RABGAP1L: variants seen among roughly 807,000 people sequenced by gnomAD.
RABGAP1L encodes the protein RAB GTPase activating protein 1 like, also known as rab GTPase-activating protein 1-like.
Under a neutral mutation model 137.7 loss-of-function variants are expected in RABGAP1L, and 63 were observed. The ratio of observed to expected loss-of-function variants is 0.46; its 90% CI spans 0.37 to 0.56. The LOEUF is 0.56. RABGAP1L is among the 20% of genes least tolerant of loss of function. The probability of loss-of-function intolerance (pLI) is 0.00; values close to 1 mark genes in which losing one functional copy is unlikely to be tolerated. For missense variants in RABGAP1L, 1,095 were observed against 1,244.0 expected, an observed-to-expected ratio of 0.88 and a Z score of 1.80; for synonymous variants, 431 against 433.7, an observed-to-expected ratio of 0.99 and a Z score of 0.08.
chr1:174,351,886 C>G (rs1021834856), intron 11 of RABGAP1L, among the ~76,000 whole-genome samples: 7 of 152,126 alleles, frequency 4.6e-5, no homozygotes, highest in African/African-American at 1.7e-4. Flanking sequence ...ACTGCAAGCT[C>G]CACCTCCCGG....
At chr1:174,727,800 AATT>A (rs1281889331) in intron 17 of RABGAP1L, among the ~76,000 whole-genome samples, 8 of 152,240 alleles carry the variant, frequency 5.3e-5, no homozygotes, top group African/African-American at 9.6e-5. Context: ...TAATATGCAC[AATT>A]ATTATGTGTT....
At chr1:174,284,311 T>G (rs74477645) in intron 10 of RABGAP1L, among the ~76,000 whole-genome samples, 9,242 of 152,270 alleles carry the variant, frequency 0.061, 980 homozygotes, top group African/African-American at 0.21. Context: ...GTTTAACTTT[T>G]TTAGACTAGT....
intron 19 of RABGAP1L, among the ~76,000 whole-genome samples, chr1:174,833,903 G>A (rs910575132): frequency 6.6e-6 from 1 of 152,124 alleles, no homozygotes; most frequent in Non-Finnish European, 1.5e-5. Context: ...CTTTTCTGAG[G>A]AAGTGACATT....
At chr1:174,337,032 G>A (rs751668825) in intron 11 of RABGAP1L, among the ~76,000 whole-genome samples, 2 of 152,036 alleles carry the variant, frequency 1.3e-5, no homozygotes, top group Non-Finnish European at 2.9e-5. Context: ...AAAAAGTGGA[G>A]GGAGAGAGTG....
chr1:174,340,701 T>C (rs975308975), intron 11 of RABGAP1L, among the ~76,000 whole-genome samples: 1 of 152,234 alleles, frequency 6.6e-6, no homozygotes, highest in African/African-American at 2.4e-5. Flanking sequence ...ATTCCATGTC[T>C]TTGCTAATTG....
At chr1:174,176,827 C>T (rs1482730625) in intron 1 of RABGAP1L, among the ~76,000 whole-genome samples, 1 of 149,528 alleles carries the variant, frequency 6.7e-6, no homozygotes, top group Admixed American at 6.7e-5. Context: ...CGTGTGTAAT[C>T]CCAGCACTTT....
At chr1:174,637,102 A>G (rs189807047) in intron 13 of RABGAP1L, among the ~76,000 whole-genome samples, 2 of 152,326 alleles carry the variant, frequency 1.3e-5, no homozygotes, top group Admixed American at 1.3e-4. Context: ...ATGGAGATGT[A>G]TGTATACAAC....
chr1:174,383,212 T>C (rs959242562), intron 12 of RABGAP1L, among the ~76,000 whole-genome samples: 1 of 151,156 alleles, frequency 6.6e-6, no homozygotes, highest in African/African-American at 2.4e-5. Flanking sequence ...ACAGGGACAT[T>C]TAAGTCTGCA....
intron 13 of RABGAP1L, among the ~76,000 whole-genome samples, chr1:174,567,357 T>C (rs191364146): frequency 6.6e-6 from 1 of 152,322 alleles, no homozygotes; most frequent in African/African-American, 2.4e-5. Context: ...AAATTTAATT[T>C]CTTTTTATGA....
At chr1:174,469,857 A>G (rs1438167449) in intron 13 of RABGAP1L, among the ~76,000 whole-genome samples, 3 of 152,182 alleles carry the variant, frequency 2.0e-5, no homozygotes, top group Non-Finnish European at 4.4e-5. Flanking sequence ...GAAATGTCTC[A>G]GCTGCCTTCA....
In RABGAP1L at chr1:174,784,011, C is replaced by CTTTTTTT. The variant is rs3085670; in HGVS notation, c.2212-27800_2212-27794dup. 6.9e-4 allele frequency among the ~76,000 whole-genome samples: 36 copies of CTTTTTTT among 52,170 alleles called. 1 individual carries two copies. The highest frequency in any genetic ancestry group is 1.9e-3 in the African/African-American group (26 of 13,566). The allele number at this position is 52,170 out of a possible 152,430, so 34.2% of individuals were successfully genotyped here. A position where few individuals can be genotyped will look rare whatever the true frequency, so the allele number is the denominator to read the frequency against. On this transcript the variant is annotated intron_variant, in intron 18 of 25. Transcript: ENST00000681986. ...GCCGTGAGTTTTTCTTCTTCTTCTT[C>CTTTTTTT]TTTTTTTTTTTTTTTTTTTTTTTTT... is the stretch of plus-strand genomic sequence containing the variant.
intron 12 of RABGAP1L, among the ~76,000 whole-genome samples, chr1:174,385,026 T>C (rs536710386): frequency 6.6e-6 from 1 of 152,222 alleles, no homozygotes; most frequent in African/African-American, 2.4e-5. Flanking sequence ...GTCTTGATCA[T>C]GTCATGGTGA....
chr1:174,982,260 T>A (rs1347728617), intron 23 of RABGAP1L, among the ~76,000 whole-genome samples: 1 of 152,138 alleles, frequency 6.6e-6, no homozygotes, highest in African/African-American at 2.4e-5. Context: ...ATTAGGTATT[T>A]CTCCTAATGT....
intron 14 of RABGAP1L, among the ~76,000 whole-genome samples, chr1:174,677,450 T>C (rs1212216677): frequency 2.6e-5 from 4 of 152,268 alleles, no homozygotes; most frequent in Non-Finnish European, 4.4e-5. Flanking sequence ...TTGTGAATTA[T>C]CTAGTTAATT....
chr1:174,570,393 A>G (rs562260000), intron 13 of RABGAP1L, among the ~76,000 whole-genome samples: 1 of 152,236 alleles, frequency 6.6e-6, no homozygotes. Context: ...CATTTGCATT[A>G]TCCTAAGTGA....
intron 11 of RABGAP1L, among the ~76,000 whole-genome samples, chr1:174,336,998 A>G (rs2148880738): frequency 6.6e-6 from 1 of 152,216 alleles, no homozygotes; most frequent in African/African-American, 2.4e-5. Flanking sequence ...TTAAAAATAT[A>G]TCTGATAAGG....
intron 11 of RABGAP1L, among the ~76,000 whole-genome samples, chr1:174,346,390 G>A (rs1237504452): frequency 6.6e-6 from 1 of 152,062 alleles, no homozygotes; most frequent in Admixed American, 6.5e-5. Context: ...CTTTGCTGAA[G>A]ACTTTTTAAT....
At chr1:174,642,795 T>C (rs944802151) in intron 14 of RABGAP1L, among the ~76,000 whole-genome samples, 18 of 130,188 alleles carry the variant, frequency 1.4e-4, no homozygotes, top group Non-Finnish European at 2.3e-4. Flanking sequence ...TCCTCTTCTC[T>C]CCTCTTCTCT....
At chr1:174,249,147 A>G (rs1672505113) in intron 5 of RABGAP1L, among the ~76,000 whole-genome samples, 1 of 152,168 alleles carries the variant, frequency 6.6e-6, no homozygotes, top group Admixed American at 6.5e-5. Flanking sequence ...ATATATATGT[A>G]TATATGTATG....
Sources: allele counts gnomAD v4.1 joint callset (sites outside exome capture counted in the v4.1 genomes callset), GRCh38; gene constraint gnomAD v4.1.1; transcripts MANE v1.5; gene names NCBI Gene and HGNC (gene_info 2026-07-23, HGNC 2026-07-21).